Variants in FXR1 observed in about 807,000 individuals in gnomAD.
The protein encoded by FXR1 is RNA-binding protein FXR1.
A neutral mutation model predicts 84.0 loss-of-function variants in FXR1; 15 were observed. The observed-to-expected ratio is 0.18, with a 90% CI of 0.12 to 0.27. FXR1 has a LOEUF of 0.27. Among genes scored for constraint, FXR1 ranks in the 10% least tolerant of loss-of-function variants. The pLI, the probability that FXR1 is intolerant of heterozygous loss-of-function variation, is 1.00. For synonymous variants in FXR1, 245 were observed against 250.7 expected, an observed-to-expected ratio of 0.98 and a Z score of 0.21; for missense variants, 480 against 774.4, an observed-to-expected ratio of 0.62 and a Z score of 4.51.
chr3:180,959,328 G>T (rs1259208038), intron 10 of FXR1, among the ~76,000 whole-genome samples: 1 of 148,952 alleles, frequency 6.7e-6, no homozygotes, highest in Admixed American at 6.7e-5. Context: ...TGTACAATGA[G>T]TTTTTTATGA....
At chr3:180,973,849 T>C (rs1713887591) in intron 15 of FXR1, among the ~76,000 whole-genome samples, 1 of 152,218 alleles carries the variant, frequency 6.6e-6, no homozygotes, top group Admixed American at 6.5e-5. Context: ...TAGCATGTTA[T>C]TTCATAATTA....
rs573499027 is a variant in FXR1, at chr3:180,958,867, G to T, written c.990+939G>T. On this transcript the variant is annotated intron_variant, in intron 10 of 16. Transcript: ENST00000357559. ...TCTGTCACCAGGGTGGAGTGCAGTG[G>T]CATGATCTCGGCTCACTGCAACCTC... Among the ~76,000 whole-genome samples, 3 of 150,546 alleles carry T rather than the reference G, an allele frequency of 2.0e-5. 1 individual carries two copies. Among genetic ancestry groups the T allele is most frequent in the African/African-American group, 7.3e-5 (3 of 40,860 alleles).
intron 1 of FXR1, among the ~76,000 whole-genome samples, chr3:180,918,943 A>G (rs1181569439): frequency 1.3e-5 from 2 of 152,278 alleles, no homozygotes; most frequent in African/African-American, 4.8e-5. Context: ...TGCTGATTCA[A>G]GATTCAGACT....
chr3:180,916,651 C>A (rs1216342346), intron 1 of FXR1, among the ~76,000 whole-genome samples: 1 of 152,150 alleles, frequency 6.6e-6, no homozygotes, highest in East Asian at 1.9e-4. Flanking sequence ...CAAATGATCG[C>A]CCTCCTCGGC....
chr3:180,966,698 A>T (rs1221321662), intron 13 of FXR1, among the ~76,000 whole-genome samples: 2 of 152,196 alleles, frequency 1.3e-5, no homozygotes, highest in East Asian at 3.9e-4. Context: ...GGAAAAAATA[A>T]CAACATGGCA....
chr3:180,967,456 T>C (rs1018760525), intron 13 of FXR1, among the ~76,000 whole-genome samples: 7 of 152,138 alleles, frequency 4.6e-5, no homozygotes, highest in African/African-American at 1.7e-4. Context: ...TACTCAAATA[T>C]TGAAGTTATT....
chr3:180,935,822 C>T (rs1190898117), intron 3 of FXR1, among the ~76,000 whole-genome samples: 4 of 152,248 alleles, frequency 2.6e-5, no homozygotes, highest in African/African-American at 9.6e-5. Context: ...TCAGGCTTGT[C>T]TCAGCATCCC....
At chr3:180,966,687 G>A (rs1445392524) in intron 13 of FXR1, among the ~76,000 whole-genome samples, 2 of 152,120 alleles carry the variant, frequency 1.3e-5, no homozygotes, top group African/African-American at 4.8e-5. Context: ...ATTCCACAGG[G>A]GGAAAAAATA....
chr3:180,957,036 A>T (rs1576976408), intron 9 of FXR1, among the ~76,000 whole-genome samples: 2 of 152,332 alleles, frequency 1.3e-5, no homozygotes, highest in East Asian at 3.9e-4. Flanking sequence ...ACTTAATAGT[A>T]CTTGTTAATA....
intron 1 of FXR1, among the ~76,000 whole-genome samples, chr3:180,928,510 A>G (rs539072016): frequency 6.6e-6 from 1 of 152,046 alleles, no homozygotes; most frequent in South Asian, 2.1e-4. Flanking sequence ...TTTTAGGGGC[A>G]TATTGAAATT....
chr3:180,924,504 G>C (rs1489580150), intron 1 of FXR1, among the ~76,000 whole-genome samples: 5 of 152,208 alleles, frequency 3.3e-5, no homozygotes, highest in African/African-American at 1.2e-4. Context: ...TGCAGAGCAG[G>C]ACAACAGATG....
chr3:180,912,839 C>T (rs1167845715), intron 1 of FXR1, 103 bp downstream of exon 1: 2 of 1,598,086 alleles, frequency 1.3e-6, no homozygotes, highest in Non-Finnish European at 1.7e-6. Flanking sequence ...GGAAAGGCAG[C>T]CAGGCCAAAG....
At chr3:180,952,433 T>C (rs536127746) in intron 8 of FXR1, among the ~76,000 whole-genome samples, 19 of 152,290 alleles carry the variant, frequency 1.2e-4, no homozygotes, top group Middle Eastern at 3.4e-3. Context: ...GGCTCACGTC[T>C]GTAACCCCAG....
intron 13 of FXR1, among the ~76,000 whole-genome samples, chr3:180,965,761 A>G (rs1032033341): frequency 2.0e-5 from 3 of 152,186 alleles, no homozygotes; most frequent in Non-Finnish European, 4.4e-5. Flanking sequence ...ACAGTTATTT[A>G]ATATGAGTAA....
At chr3:180,932,043 A>T (rs1576917649) in intron 1 of FXR1, among the ~76,000 whole-genome samples, 1 of 110,238 alleles carries the variant, frequency 9.1e-6, no homozygotes, top group South Asian at 3.1e-4. Flanking sequence ...TTATTACTTA[A>T]GTTACCCTTC....
In FXR1 at chr3:180,980,071, T is replaced by C. The variant is rs1714537717; in HGVS notation, c.*3779T>C. ...AACTTTTTCTCTATGGTTTCAATTT[T>C]ATCCAACCAGAGAGGGCTGGCCTAG... On this transcript the variant is annotated 3_prime_UTR_variant, in exon 17 of 17. Transcript: ENST00000357559. The C allele has an allele frequency of 6.6e-6, 1 of 152,088 alleles. No homozygotes were observed. The highest frequency in any genetic ancestry group is 2.4e-5 in the African/African-American group (1 of 41,450). 9.4% of individuals were successfully genotyped at this position (152,088 alleles called of 1,614,324 possible).
intron 3 of FXR1, among the ~76,000 whole-genome samples, chr3:180,939,272 G>A (rs536658218): frequency 6.6e-6 from 1 of 152,168 alleles, no homozygotes; most frequent in East Asian, 1.9e-4. Flanking sequence ...GGGGGTGTGG[G>A]TGGTAATCCT....
rs1435716071 is a variant in FXR1, at chr3:180,931,736, TG to T, written c.52-1595del. On this transcript the variant is annotated intron_variant, in intron 1 of 16. Transcript: ENST00000357559. Reference sequence around the variant, plus strand: ...GTATGCCCTTAAAAATTAGTTGTTGTGGGTTTTTTTTTTTTTTTTTTTTGGA... The same window carrying T: ...GTATGCCCTTAAAAATTAGTTGTTGTGGTTTTTTTTTTTTTTTTTTTTGGA... Among the ~76,000 whole-genome samples the T allele has an allele frequency of 5.4e-5, 7 of 130,502 alleles. No individual in the cohort carries two copies. The South Asian group carries it at 1.2e-3, about 23-fold the overall frequency. The allele number at this position is 130,502 out of a possible 152,430, so 85.6% of individuals were successfully genotyped here.
At chr3:180,915,992 C>A (rs908823757) in intron 1 of FXR1, among the ~76,000 whole-genome samples, 1 of 152,090 alleles carries the variant, frequency 6.6e-6, no homozygotes, top group African/African-American at 2.4e-5. Flanking sequence ...TATAAATCTG[C>A]GGGGATGAGA....
Sources: allele counts gnomAD v4.1 joint callset (sites outside exome capture counted in the v4.1 genomes callset), GRCh38; gene constraint gnomAD v4.1.1; transcripts MANE v1.5; gene names NCBI Gene and HGNC (gene_info 2026-07-23, HGNC 2026-07-21).